The following RIMS2 variants were observed in gnomAD, a reference collection of about 807,000 sequenced individuals.
RIMS2 encodes the protein regulating synaptic membrane exocytosis 2.
A neutral mutation model predicts 174.4 loss-of-function variants in RIMS2; 59 were observed. That is an observed-to-expected ratio of 0.34 (90% CI 0.27 to 0.42). The LOEUF is 0.42. Among genes scored for constraint, RIMS2 ranks in the 10% least tolerant of loss-of-function variants. The pLI is 1.00. For synonymous variants in RIMS2, 606 were observed against 572.5 expected (o/e 1.06, Z -0.84); for missense variants, 1,620 against 1,666.3 (o/e 0.97, Z 0.48).
intron 1 of RIMS2, among the ~76,000 whole-genome samples, chr8:103,532,218 C>T (rs537863174): frequency 6.6e-6 from 1 of 152,134 alleles, no homozygotes; most frequent in Non-Finnish European, 1.5e-5. Context: ...ACTTATTACA[C>T]CATAGAATTG....
chr8:104,108,593 C>A (rs79238335), intron 19 of RIMS2, among the ~76,000 whole-genome samples: 7,880 of 152,160 alleles, frequency 0.052, 289 homozygotes, highest in Non-Finnish European at 0.073. Flanking sequence ...GCCACCATAC[C>A]CAGCCTTTTG....
chr8:104,168,402 G>A lies in RIMS2; in HGVS notation c.3335-76514G>A, dbSNP rs924062720. 5.9e-5 allele frequency among the ~76,000 whole-genome samples: 9 copies of A among 152,162 alleles called. No individual in the cohort carries two copies. The East Asian group carries it at 7.7e-4, about 13-fold the overall frequency. Reference sequence around the variant, plus strand: ...CTTCCTTGGTTAAGTATATTCCTAAGTATTTTATTTTCTTTTTGCAGCTCT... The same window carrying A: ...CTTCCTTGGTTAAGTATATTCCTAAATATTTTATTTTCTTTTTGCAGCTCT... On this transcript the variant is annotated intron_variant, in intron 19 of 23. Coordinates refer to ENST00000504942, the Ensembl canonical transcript of RIMS2.
At chr8:104,069,603 G>C (rs1324867578) in intron 19 of RIMS2, among the ~76,000 whole-genome samples, 1 of 151,320 alleles carries the variant, frequency 6.6e-6, no homozygotes, top group Admixed American at 6.6e-5. Context: ...CAAGTACCTG[G>C]GGCTACAGAC....
At chr8:104,156,318 A>T (rs965819141) in intron 19 of RIMS2, among the ~76,000 whole-genome samples, 1 of 152,102 alleles carries the variant, frequency 6.6e-6, no homozygotes, top group Admixed American at 6.5e-5. Flanking sequence ...ACGGACAGGA[A>T]TTGGAAATGG....
chr8:104,138,116 A>G (rs948508857), intron 19 of RIMS2, among the ~76,000 whole-genome samples: 6 of 152,160 alleles, frequency 3.9e-5, no homozygotes, highest in Admixed American at 1.3e-4. Context: ...GTTGTAAATG[A>G]TAGGATTTCA....
intron 3 of RIMS2, among the ~76,000 whole-genome samples, chr8:103,877,658 G>A (rs1021656786): frequency 1.3e-5 from 2 of 151,720 alleles, no homozygotes; most frequent in Non-Finnish European, 2.9e-5. Context: ...TTGAAGTCAG[G>A]TAGTGTGATG....
intron 2 of RIMS2, among the ~76,000 whole-genome samples, chr8:103,756,981 G>C (rs959636648): frequency 7.1e-4 from 60 of 84,848 alleles, no homozygotes; most frequent in Non-Finnish European, 4.0e-4. Context: ...GTGTGTGTCT[G>C]TGTGTGTGTG....
chr8:104,019,706 C>T (rs926971664), intron 19 of RIMS2, among the ~76,000 whole-genome samples: 1 of 152,132 alleles, frequency 6.6e-6, no homozygotes, highest in Admixed American at 6.5e-5. Flanking sequence ...GAATGTCACC[C>T]TTCTTCCATT....
intron 4 of RIMS2, among the ~76,000 whole-genome samples, chr8:103,905,204 T>C (rs1432413323): frequency 2.6e-5 from 4 of 152,118 alleles, no homozygotes; most frequent in Non-Finnish European, 4.4e-5. Flanking sequence ...TTCTTCTTGA[T>C]ACTTTCAGAT....
intron 19 of RIMS2, among the ~76,000 whole-genome samples, chr8:104,168,152 C>G (rs1400603340): frequency 6.6e-6 from 1 of 151,982 alleles, no homozygotes; most frequent in Non-Finnish European, 1.5e-5. Context: ...TATGCAGTCT[C>G]TTTTTTGGTT....
chr8:104,144,543 T>C (rs1249692149), intron 19 of RIMS2, among the ~76,000 whole-genome samples: 1 of 152,188 alleles, frequency 6.6e-6, no homozygotes, highest in Admixed American at 6.5e-5. Flanking sequence ...CCGACACTTT[T>C]TATGTTTATT....
At chr8:103,766,472 A>T (rs529528146) in exon 3 of RIMS2, 2 of 1,613,878 alleles carry the variant, frequency 1.2e-6, no homozygotes, top group South Asian at 2.2e-5. Context: ...GGCTCACAAG[A>T]CAGCATTCTA....
intron 3 of RIMS2, among the ~76,000 whole-genome samples, chr8:103,860,591 A>G (rs1452026484): frequency 6.6e-6 from 1 of 152,254 alleles, no homozygotes; most frequent in South Asian, 2.1e-4. Context: ...TACATATTCA[A>G]TAAATATTAA....
intron 1 of RIMS2, among the ~76,000 whole-genome samples, chr8:103,526,766 GA>G (rs1369233765): frequency 2.0e-5 from 3 of 152,038 alleles, no homozygotes; most frequent in African/African-American, 7.2e-5. Context: ...GTAGGAGAAA[GA>G]AAAAAGTAAT....
intron 1 of RIMS2, among the ~76,000 whole-genome samples, chr8:103,572,566 G>GT (rs200409402): frequency 0.073 from 10,644 of 146,192 alleles, 460 homozygotes; most frequent in Non-Finnish European, 0.098. Flanking sequence ...AAATCTGTTT[G>GT]TTTTTTTTTT....
intron 19 of RIMS2, among the ~76,000 whole-genome samples, chr8:104,147,179 A>G (rs1484988251): frequency 6.6e-6 from 1 of 151,936 alleles, no homozygotes; most frequent in Non-Finnish European, 1.5e-5. Flanking sequence ...ACATATTCTC[A>G]TCTCTTTTCT....
chr8:103,685,786 TA>T (rs986568500), intron 1 of RIMS2, among the ~76,000 whole-genome samples: 5 of 152,172 alleles, frequency 3.3e-5, no homozygotes, highest in African/African-American at 1.2e-4. Flanking sequence ...TCTTCTTTTT[TA>T]AAAAATATTT....
At chr8:104,212,439 AT>A (rs1198339391) in intron 19 of RIMS2, among the ~76,000 whole-genome samples, 1 of 152,188 alleles carries the variant, frequency 6.6e-6, no homozygotes, top group Non-Finnish European at 1.5e-5. Context: ...GAAGATAATA[AT>A]TTCAGATTAA....
intron 19 of RIMS2, among the ~76,000 whole-genome samples, chr8:104,126,032 A>G (rs1386480225): frequency 6.6e-6 from 1 of 152,114 alleles, no homozygotes; most frequent in Non-Finnish European, 1.5e-5. Context: ...GTGTTGGCTG[A>G]CTTAGGTTTC....
Sources: allele counts gnomAD v4.1 joint callset (sites outside exome capture counted in the v4.1 genomes callset), GRCh38; gene constraint gnomAD v4.1.1; transcripts MANE v1.5; gene names NCBI Gene and HGNC (gene_info 2026-07-23, HGNC 2026-07-21).